The following SEMA5A variants were observed in gnomAD, a reference collection of about 807,000 sequenced individuals.
SEMA5A encodes the protein semaphorin 5A.
SEMA5A carries 55 observed loss-of-function variants against 135.5 expected under a neutral mutation model. That is an observed-to-expected ratio of 0.41 (90% CI 0.33 to 0.51). The LOEUF (loss-of-function observed/expected upper bound fraction) is 0.51, where lower values mean the gene tolerates loss of function less well. SEMA5A is among the 20% of genes least tolerant of loss of function. The pLI is 0.37. For missense variants in SEMA5A, 1,290 were observed against 1,419.9 expected, an observed-to-expected ratio of 0.91 and a Z score of 1.47; for synonymous variants, 580 against 546.5, an observed-to-expected ratio of 1.06 and a Z score of -0.85.
chr5:9,304,969 C>T (rs914898138), intron 5 of SEMA5A, among the ~76,000 whole-genome samples: 3 of 152,190 alleles, frequency 2.0e-5, no homozygotes, highest in East Asian at 1.9e-4. Flanking sequence ...TGCATTCAAA[C>T]ACCTCAGATA....
At chr5:9,329,107 G>A (rs375228140) in intron 4 of SEMA5A, among the ~76,000 whole-genome samples, 1 of 152,084 alleles carries the variant, frequency 6.6e-6, no homozygotes, top group Non-Finnish European at 1.5e-5. Context: ...CTCAGGCCCC[G>A]TTGGAGGAAC....
intron 1 of SEMA5A, among the ~76,000 whole-genome samples, chr5:9,489,552 T>A (rs943576209): frequency 2.0e-5 from 3 of 152,146 alleles, no homozygotes; most frequent in Non-Finnish European, 2.9e-5. Flanking sequence ...ATATGTCTGA[T>A]CTATAATATT....
chr5:9,096,387 T>C (rs1397856189), intron 16 of SEMA5A, among the ~76,000 whole-genome samples: 1 of 152,220 alleles, frequency 6.6e-6, no homozygotes, highest in Non-Finnish European at 1.5e-5. Context: ...TTTTATTTTC[T>C]CTCTCCATAT....
chr5:9,410,981 C>CT (rs57301427), intron 2 of SEMA5A, among the ~76,000 whole-genome samples: 7,140 of 145,724 alleles, frequency 0.049, 192 homozygotes, highest in Middle Eastern at 0.1. Flanking sequence ...TCCATCTGGA[C>CT]TTTTTTTTTT....
In SEMA5A at chr5:9,154,583, C is replaced by T. The variant is rs754035552; in HGVS notation, c.1386G>A (p.Leu462=). Residue 462 remains leucine, a synonymous_variant, in exon 12 of 23, where the codon CTG becomes CTA. Coordinates refer to ENST00000382496, the MANE Select transcript of SEMA5A (RefSeq NM_003966.3). ...GGACACTCTGGCTGTGCAGGATCTG[C>T]AGGCTCCTGATGGGCTCCCTCCGCC... The part of the protein sequence containing the change: ...PERRREPIRS[L]QILHSQSVLF... 3.7e-6 allele frequency: 6 copies of T among 1,613,754 alleles called. No individual in the cohort carries two copies. The highest frequency in any genetic ancestry group is 1.1e-5 in the South Asian group (1 of 91,054).
chr5:9,109,028 ATTTTTTTTT>A (rs67762219), intron 15 of SEMA5A, among the ~76,000 whole-genome samples: 8 of 92,442 alleles, frequency 8.7e-5, no homozygotes, highest in South Asian at 4.4e-4. Flanking sequence ...TTTCTCTTCA[ATTTTTTTTT>A]TTTTTTTTTT....
intron 8 of SEMA5A, among the ~76,000 whole-genome samples, chr5:9,207,102 G>GTGTATATATATATATATA (rs1405308378): frequency 4.2e-4 from 41 of 97,652 alleles, no homozygotes; most frequent in African/African-American, 1.2e-3. Flanking sequence ...ATGATCAAGT[G>GTGTATATATATATATATA]TATATATATA....
intron 5 of SEMA5A, among the ~76,000 whole-genome samples, chr5:9,251,847 C>A (rs542407860): frequency 4.1e-4 from 63 of 152,098 alleles, no homozygotes; most frequent in Non-Finnish European, 8.1e-4. Context: ...ACTCTTCTGC[C>A]CATCATAACT....
chr5:9,235,297 A>C (rs1322237147), intron 6 of SEMA5A, among the ~76,000 whole-genome samples: 1 of 152,232 alleles, frequency 6.6e-6, no homozygotes, highest in East Asian at 1.9e-4. Context: ...AGGGAGCATA[A>C]AAATCAAAAT....
In SEMA5A at chr5:9,349,967, T is replaced by A. The variant is rs544787564; in HGVS notation, c.125-12155A>T. ...TATCAAAATAAAATTCATTGAGGTA[T>A]CTTTGTGTATGTGTATTCTAAGTCT... On this transcript the variant is annotated intron_variant, in intron 3 of 22. Coordinates refer to ENST00000382496, the MANE Select transcript of SEMA5A (RefSeq NM_003966.3). 4.2e-4 allele frequency among the ~76,000 whole-genome samples: 64 copies of A among 152,124 alleles called. No individual in the cohort carries two copies. In the South Asian group the frequency reaches 4.6e-3, roughly 11 times the overall value.
At chr5:9,271,173 C>G (rs1749954795) in intron 5 of SEMA5A, among the ~76,000 whole-genome samples, 1 of 152,066 alleles carries the variant, frequency 6.6e-6, no homozygotes, top group South Asian at 2.1e-4. Flanking sequence ...ATGTGGCACT[C>G]CCCCGTTTAC....
At chr5:9,271,418 A>C (rs1749968157) in intron 5 of SEMA5A, among the ~76,000 whole-genome samples, 1 of 152,194 alleles carries the variant, frequency 6.6e-6, no homozygotes, top group African/African-American at 2.4e-5. Context: ...GGCTATAAAC[A>C]TAACTGAAAA....
intron 1 of SEMA5A, chr5:9,498,677 C>T (rs1285227180): frequency 2.0e-5 from 3 of 152,078 alleles, no homozygotes; most frequent in South Asian, 4.2e-4. Flanking sequence ...ATCGGCGGCA[C>T]ACACCCTGGA....
rs199512752 is a variant in SEMA5A, at chr5:9,289,879, GT to G, written c.270+28492del. On this transcript the variant is annotated intron_variant, in intron 5 of 22. Coordinates refer to ENST00000382496, the MANE Select transcript of SEMA5A (RefSeq NM_003966.3). ...GTCCACTGAAACTTCCCTTTTGGGA[GT>G]TTTAAAAAAGGGTTAAAAGTACACA... Among the ~76,000 whole-genome samples the G allele has an allele frequency of 1.7e-3, 264 of 152,118 alleles. 1 individual carries two copies. The highest frequency in any genetic ancestry group is 1.9e-3 in the Non-Finnish European group (129 of 67,978).
chr5:9,129,256 T>C (rs578224346), intron 13 of SEMA5A, among the ~76,000 whole-genome samples: 1 of 152,354 alleles, frequency 6.6e-6, no homozygotes, highest in East Asian at 1.9e-4. Flanking sequence ...AGGAACTGCA[T>C]TGGGCAAATC....
At chr5:9,137,811 G>A (rs146789990) in intron 12 of SEMA5A, among the ~76,000 whole-genome samples, 1 of 152,256 alleles carries the variant, frequency 6.6e-6, no homozygotes, top group South Asian at 2.1e-4. Context: ...AATAATCATT[G>A]TTAAAACACC....
intron 1 of SEMA5A, among the ~76,000 whole-genome samples, chr5:9,464,249 T>C (rs1422401337): frequency 6.6e-6 from 1 of 152,188 alleles, no homozygotes; most frequent in African/African-American, 2.4e-5. Context: ...AAATGAGGCC[T>C]TGAAAAGTAT....
chr5:9,535,756 C>CCAGAT (rs1338835288), intron 1 of SEMA5A, among the ~76,000 whole-genome samples: 2 of 151,984 alleles, frequency 1.3e-5, no homozygotes, highest in African/African-American at 4.8e-5. Context: ...CCTGGAAACT[C>CCAGAT]CAGATTTTTC....
intron 4 of SEMA5A, among the ~76,000 whole-genome samples, chr5:9,323,723 A>C (rs535786177): frequency 7.4e-6 from 1 of 135,292 alleles, no homozygotes; most frequent in South Asian, 2.2e-4. Flanking sequence ...GTGCAATGGC[A>C]TGATCTCGAC....
Sources: allele counts gnomAD v4.1 joint callset (sites outside exome capture counted in the v4.1 genomes callset), GRCh38; gene constraint gnomAD v4.1.1; transcripts MANE v1.5; gene names NCBI Gene and HGNC (gene_info 2026-07-23, HGNC 2026-07-21).